L3MBTL4: variants seen among roughly 807,000 people sequenced by gnomAD.
The protein encoded by L3MBTL4 is L3MBTL histone methyl-lysine binding protein 4, also known as lethal(3)malignant brain tumor-like protein 4.
In L3MBTL4, 70 loss-of-function variants were observed where a neutral mutation model predicts 84.5. The observed-to-expected ratio is 0.83, with a 90% CI of 0.68 to 1.01. The LOEUF (loss-of-function observed/expected upper bound fraction) is 1.01. L3MBTL4 is among the 50% of genes least tolerant of loss of function. L3MBTL4 has a pLI of 0.00. For synonymous variants in L3MBTL4, 274 were observed against 259.8 expected, an observed-to-expected ratio of 1.05 and a Z score of -0.52; for missense variants, 715 against 754.8, an observed-to-expected ratio of 0.95 and a Z score of 0.62.
intron 12 of L3MBTL4, among the ~76,000 whole-genome samples, chr18:6,178,129 C>T (rs1341302649): frequency 6.6e-6 from 1 of 151,918 alleles, no homozygotes; most frequent in Non-Finnish European, 1.5e-5. Flanking sequence ...TTTTTTTTGA[C>T]AGCAGGTACA....
chr18:6,076,136 T>C (rs2057848795), intron 16 of L3MBTL4, among the ~76,000 whole-genome samples: 1 of 152,210 alleles, frequency 6.6e-6, no homozygotes, highest in Admixed American at 6.5e-5. Flanking sequence ...ATTCCACTCA[T>C]AGATATTTAT....
rs374793168 is a variant in L3MBTL4 at position 6,055,560 on chromosome 18, T to TTA, written c.1444+25319_1444+25320dup. Among the ~76,000 whole-genome samples the TTA allele has an allele frequency of 3.3e-3, 503 of 152,338 alleles. 5 individuals carry two copies. Among genetic ancestry groups the TTA allele is most frequent in the African/African-American group, 0.011 (458 of 41,574 alleles). On this transcript the variant is annotated intron_variant, in intron 16 of 18. Transcript: ENST00000317931. Reference sequence around the variant, plus strand: ...AGACAGCTTGGTCAGCAAAGGTTTTTTATATTAAGGCTAAATAGAAAACAA... The same window carrying TTA: ...AGACAGCTTGGTCAGCAAAGGTTTTTTATATATTAAGGCTAAATAGAAAACAA...
chr18:6,172,298 C>A (rs1272219005), intron 12 of L3MBTL4, among the ~76,000 whole-genome samples: 1 of 152,138 alleles, frequency 6.6e-6, no homozygotes, highest in African/African-American at 2.4e-5. Flanking sequence ...ACTTCAAGAA[C>A]CATGTCAGCA....
intron 14 of L3MBTL4, among the ~76,000 whole-genome samples, chr18:6,117,983 C>T (rs1568149654): frequency 6.6e-6 from 1 of 152,084 alleles, no homozygotes; most frequent in Non-Finnish European, 1.5e-5. Context: ...CCTGAGAACA[C>T]AGCCAGGCTG....
chr18:6,002,362 G>A (rs1003761239), intron 16 of L3MBTL4, among the ~76,000 whole-genome samples: 2 of 152,052 alleles, frequency 1.3e-5, no homozygotes, highest in African/African-American at 4.8e-5. Context: ...AGAATATAAA[G>A]TTCTCTGGTA....
chr18:6,371,211 C>A (rs548870819), intron 1 of L3MBTL4, among the ~76,000 whole-genome samples: 1 of 152,184 alleles, frequency 6.6e-6, no homozygotes, highest in Non-Finnish European at 1.5e-5. Flanking sequence ...ACAAAACTGG[C>A]GGCGGGCCAG....
chr18:6,323,875 T>C (rs566842889), intron 1 of L3MBTL4, among the ~76,000 whole-genome samples: 1 of 152,154 alleles, frequency 6.6e-6, no homozygotes, highest in Non-Finnish European at 1.5e-5. Context: ...GCTAAGACAA[T>C]AGGGAAAAGG....
intron 16 of L3MBTL4, among the ~76,000 whole-genome samples, chr18:6,062,842 T>A (rs998417037): frequency 4.0e-5 from 6 of 149,510 alleles, no homozygotes; most frequent in South Asian, 4.2e-4. Context: ...TTTTTTTTTT[T>A]AATTTCAATA....
intron 12 of L3MBTL4, among the ~76,000 whole-genome samples, chr18:6,199,133 A>G (rs1393852300): frequency 6.6e-6 from 1 of 152,240 alleles, no homozygotes; most frequent in African/African-American, 2.4e-5. Context: ...AAGTTGACAG[A>G]GAAGACAAAT....
intron 11 of L3MBTL4, 146 bp downstream of exon 11, chr18:6,215,604 T>C: frequency 2.2e-6 from 1 of 463,294 alleles, no homozygotes; most frequent in Non-Finnish European, 3.8e-6. Context: ...CTTTGTATTT[T>C]TAACTAAAAG....
chr18:6,184,572 T>C (rs1469039076), intron 12 of L3MBTL4, among the ~76,000 whole-genome samples: 1 of 152,236 alleles, frequency 6.6e-6, no homozygotes, highest in Non-Finnish European at 1.5e-5. Context: ...TATGACATTC[T>C]ATAACATGAA....
At position 6,215,829 on chromosome 18, in the gene L3MBTL4, G is replaced by A. The variant is rs1452974070; in HGVS notation, c.791C>T (p.Pro264Leu). The A allele has an allele frequency of 3.8e-6, 6 of 1,572,292 alleles. No individual in the cohort carries two copies. In the African/African-American group the frequency reaches 6.8e-5, roughly 18 times the overall value. The change falls in exon 11 of 19, where the codon CCC becomes CTC. Residue 264 changes from proline to leucine, a missense_variant. Pro to Leu is a moderately conservative substitution (Grantham distance 98). Coordinates refer to ENST00000317931, the MANE Select transcript of L3MBTL4 (RefSeq NM_001330559.2). The stretch of plus-strand genomic sequence containing the variant: ...TGTCCAGGAAAAATTTTCTGGATTG[G>A]GATAACCTGAAAATATATATATATA... The part of the protein sequence containing the change: ...GRTLIAPQGY[P>L]NPENFSWTEY...
At chr18:6,229,774 A>G (rs1349551567) in intron 10 of L3MBTL4, among the ~76,000 whole-genome samples, 1 of 152,050 alleles carries the variant, frequency 6.6e-6, no homozygotes, top group South Asian at 2.1e-4. Flanking sequence ...GTTGAAAATC[A>G]TTTCACCATA....
At chr18:6,130,166 C>T (rs992673021) in intron 14 of L3MBTL4, among the ~76,000 whole-genome samples, 3 of 152,058 alleles carry the variant, frequency 2.0e-5, no homozygotes, top group African/African-American at 7.2e-5. Context: ...GGGCGATTTG[C>T]CTCATACTGC....
intron 1 of L3MBTL4, among the ~76,000 whole-genome samples, chr18:6,371,183 G>A (rs341181): frequency 0.39 from 58,714 of 152,130 alleles, 12,309 homozygotes; most frequent in Middle Eastern, 0.51. Context: ...GCATGGCTGC[G>A]TGCCAGTAAA....
intron 1 of L3MBTL4, among the ~76,000 whole-genome samples, chr18:6,323,267 T>A (rs992914282): frequency 8.6e-5 from 13 of 152,000 alleles, no homozygotes; most frequent in African/African-American, 3.1e-4. Flanking sequence ...TACCAAGGAG[T>A]GGAGCATTGC....
At chr18:6,200,466 T>C (rs2045603426) in intron 12 of L3MBTL4, among the ~76,000 whole-genome samples, 1 of 152,188 alleles carries the variant, frequency 6.6e-6, no homozygotes, top group South Asian at 2.1e-4. Flanking sequence ...CCATTAGAAT[T>C]ACATTTATTT....
chr18:6,335,384 C>T (rs1018808109), intron 1 of L3MBTL4, among the ~76,000 whole-genome samples: 1 of 152,134 alleles, frequency 6.6e-6, no homozygotes, highest in Admixed American at 6.6e-5. Flanking sequence ...AGCCACTGCG[C>T]CTGTCCTCAA....
intron 16 of L3MBTL4, among the ~76,000 whole-genome samples, chr18:6,023,064 C>G (rs1228472740): frequency 6.6e-6 from 1 of 151,760 alleles, no homozygotes; most frequent in African/African-American, 2.4e-5. Flanking sequence ...ATGCAAAGCC[C>G]TGAGGAAGGC....
Sources: gnomAD v4.1 joint callset for allele counts (sites outside exome capture counted in the v4.1 genomes callset) on GRCh38, gnomAD v4.1.1 for gene constraint, MANE v1.5 for transcripts, NCBI Gene and HGNC (gene_info 2026-07-23, HGNC 2026-07-21) for gene names.